The following COL4A5 variants were observed in gnomAD, a reference collection of about 807,000 sequenced individuals.
The protein encoded by COL4A5 is collagen alpha-5(IV) chain.
In COL4A5, 26 loss-of-function variants were observed where a neutral mutation model predicts 130.2. The observed-to-expected ratio is 0.20, with a 90% CI of 0.15 to 0.28. The LOEUF is 0.28. COL4A5 is among the 10% of genes least tolerant of loss of function. COL4A5 has a pLI of 1.00. For synonymous variants in COL4A5, 496 were observed against 439.6 expected (o/e 1.13, Z -1.60); for missense variants, 1,131 against 1,344.3 (o/e 0.84, Z 2.48).
chrX:108,448,720 ACTAT>A (rs1454524294), intron 1 of COL4A5, among the ~76,000 whole-genome samples: 2 of 112,331 alleles, frequency 1.8e-5, no homozygotes, highest in Non-Finnish European at 3.8e-5. Context: ...GCTAAAAAAC[ACTAT>A]CTGTCTTAAA....
intron 36 of COL4A5, among the ~76,000 whole-genome samples, chrX:108,636,939 CTTTT>C (rs59497827): frequency 1.2e-3 from 92 of 76,386 alleles, no homozygotes; most frequent in African/African-American, 4.0e-3. Flanking sequence ...AATGTAATGT[CTTTT>C]TTTTTTTTTT....
intron 2 of COL4A5, among the ~76,000 whole-genome samples, chrX:108,558,459 A>T (rs1231032676): frequency 9.0e-6 from 1 of 111,068 alleles, no homozygotes; most frequent in Admixed American, 9.6e-5. Flanking sequence ...GTAGATAGGC[A>T]GTCTTCCTGT....
chrX:108,595,693 T>C (rs1374400989), intron 22 of COL4A5, 92 bp downstream of exon 22: 1 of 693,542 alleles, frequency 1.4e-6, no homozygotes, highest in South Asian at 2.6e-5. Context: ...TCTCATTTTA[T>C]AACTAGTCAC....
chrX:108,540,666 G>A (rs1243084794), intron 2 of COL4A5, among the ~76,000 whole-genome samples: 2 of 111,394 alleles, frequency 1.8e-5, no homozygotes, highest in African/African-American at 6.5e-5. Context: ...GGCTAGGCTG[G>A]TCTCGAACTC....
At chrX:108,653,049 T>C (rs778469473) in intron 36 of COL4A5, among the ~76,000 whole-genome samples, 2 of 112,241 alleles carry the variant, frequency 1.8e-5, no homozygotes, top group Non-Finnish European at 3.8e-5. Context: ...CTTCTTTATC[T>C]CTTCTTGCTT....
At chrX:108,483,748 T>C (rs2064916259) in intron 1 of COL4A5, among the ~76,000 whole-genome samples, 1 of 112,317 alleles carries the variant, frequency 8.9e-6, no homozygotes, top group South Asian at 3.7e-4. Flanking sequence ...AATGTACAAG[T>C]GTTCCCTTTT....
chrX:108,531,323 A>G (rs988176635), intron 1 of COL4A5, among the ~76,000 whole-genome samples: 27 of 105,063 alleles, frequency 2.6e-4, no homozygotes, highest in African/African-American at 8.6e-4. Context: ...ACTAACCTGC[A>G]CATTGTGCAC....
At chrX:108,612,910 A>G (rs1259142890) in intron 29 of COL4A5, among the ~76,000 whole-genome samples, 2 of 112,285 alleles carry the variant, frequency 1.8e-5, no homozygotes, top group African/African-American at 6.4e-5. Flanking sequence ...TGTGTGAAAT[A>G]CAGACTAATA....
At chrX:108,578,941 G>T (rs190256353) in intron 13 of COL4A5, among the ~76,000 whole-genome samples, 10 of 111,392 alleles carry the variant, frequency 9.0e-5, no homozygotes, top group African/African-American at 3.3e-4. Flanking sequence ...GCCTCCCAAA[G>T]TGTTGGGATT....
chrX:108,693,416 A>T, intron 50 of COL4A5, among the ~76,000 whole-genome samples: 1 of 111,648 alleles, frequency 9.0e-6, no homozygotes, highest in Non-Finnish European at 1.9e-5. Flanking sequence ...TGTGTCTAGG[A>T]TGTAGTATGT....
intron 2 of COL4A5, among the ~76,000 whole-genome samples, chrX:108,541,707 C>T (rs946334684): frequency 8.9e-6 from 1 of 112,351 alleles, no homozygotes; most frequent in African/African-American, 3.2e-5. Flanking sequence ...GAGGAAGGTT[C>T]ATACAACCCA....
rs1477637661 is a variant in COL4A5, at chrX:108,601,914, T to C, written c.2071T>C (p.Leu691=). The C allele has an allele frequency of 8.6e-7, 1 of 1,161,449 alleles. No homozygotes were observed. Among genetic ancestry groups the C allele is most frequent in the Non-Finnish European group, 1.2e-6 (1 of 865,911 alleles). ...CCCTGGACTTCCAGGGCAACCAGGC[T>C]TGCCAGGGATACCTGGTAGCAAAGG... The part of the protein sequence containing the change: ...GDPGLPGQPG[L]PGIPGSKGEP... Residue 691 remains leucine, a synonymous_variant, in exon 27 of 53, where the codon TTG becomes CTG. Coordinates refer to ENST00000328300, the MANE Select transcript of COL4A5 (RefSeq NM_033380.3).
intron 47 of COL4A5, 128 bp from the exon 48 acceptor site, chrX:108,685,902 CT>C: frequency 1.8e-6 from 1 of 542,245 alleles, no homozygotes; most frequent in Non-Finnish European, 3.2e-6. Context: ...TGAGTTATCT[CT>C]TCTTTTTTCT....
At chrX:108,562,847 C>T (rs765465987) in intron 3 of COL4A5, among the ~76,000 whole-genome samples, 11 of 111,527 alleles carry the variant, frequency 9.9e-5, no homozygotes, top group South Asian at 3.8e-4. Flanking sequence ...ATAGGCAGTA[C>T]GTTCATGTCA....
chrX:108,548,066 C>T (rs182967448), intron 2 of COL4A5, among the ~76,000 whole-genome samples: 1,390 of 111,236 alleles, frequency 0.012, 19 homozygotes, highest in African/African-American at 0.043. Context: ...CCGGGTGAGG[C>T]GATGCCTCAC....
chrX:108,588,919 A>T (rs770794236), intron 19 of COL4A5, among the ~76,000 whole-genome samples: 11 of 111,721 alleles, frequency 9.8e-5, no homozygotes, highest in African/African-American at 3.2e-4. Flanking sequence ...ATACATAGGA[A>T]GTTTAACACC....
chrX:108,509,109 C>T (rs1022050576), intron 1 of COL4A5, among the ~76,000 whole-genome samples: 4 of 112,134 alleles, frequency 3.6e-5, no homozygotes, highest in African/African-American at 1.3e-4. Flanking sequence ...GCAAAAGAAA[C>T]TATCAACAGA....
At chrX:108,567,170 G>A (rs1351545330) in intron 4 of COL4A5, among the ~76,000 whole-genome samples, 1 of 111,396 alleles carries the variant, frequency 9.0e-6, no homozygotes, top group African/African-American at 3.3e-5. Flanking sequence ...TTTCTTTGTT[G>A]AGTTTTCCCC....
chrX:108,558,189 G>T (rs1480806996), intron 2 of COL4A5, among the ~76,000 whole-genome samples: 1 of 104,867 alleles, frequency 9.5e-6, no homozygotes, highest in Non-Finnish European at 1.9e-5. Context: ...GTTTTTTAAA[G>T]TTGGAAACCA....
Sources: gnomAD v4.1 joint callset for allele counts (sites outside exome capture counted in the v4.1 genomes callset) on GRCh38, gnomAD v4.1.1 for gene constraint, MANE v1.5 for transcripts, NCBI Gene and HGNC (gene_info 2026-07-23, HGNC 2026-07-21) for gene names.